Variants in TP63 observed in about 807,000 individuals in gnomAD.
The protein encoded by TP63 is tumor protein p63.
In TP63, 17 loss-of-function variants were observed where a neutral mutation model predicts 82.8. The observed-to-expected ratio is 0.21, with a 90% CI of 0.14 to 0.31. The LOEUF is 0.31. Ranked by LOEUF, TP63 falls within the 10% of genes least tolerant of loss-of-function variation. TP63 has a pLI of 1.00. For synonymous variants in TP63, 330 were observed against 321.7 expected (o/e 1.03, Z -0.28); for missense variants, 648 against 895.3 (o/e 0.72, Z 3.52).
chr3:189,710,019 A>G (rs527742766), intron 1 of TP63, among the ~76,000 whole-genome samples: 1 of 152,228 alleles, frequency 6.6e-6, no homozygotes, highest in African/African-American at 2.4e-5. Context: ...AGTAATAGCA[A>G]AAATAGGGGG....
chr3:189,758,696 C>T (rs1722360001), intron 3 of TP63, among the ~76,000 whole-genome samples: 2 of 152,204 alleles, frequency 1.3e-5, no homozygotes, highest in Admixed American at 1.3e-4. Context: ...ATTCTTTATT[C>T]TGCGGAGGCA....
chr3:189,714,520 G>A (rs1230611911), intron 1 of TP63, among the ~76,000 whole-genome samples: 1 of 152,178 alleles, frequency 6.6e-6, no homozygotes, highest in African/African-American at 2.4e-5. Flanking sequence ...CGGAAATTTT[G>A]AGAAGTTTCT....
chr3:189,809,525 A>T (rs1407875755), intron 4 of TP63, among the ~76,000 whole-genome samples: 1 of 152,222 alleles, frequency 6.6e-6, no homozygotes, highest in Non-Finnish European at 1.5e-5. Context: ...CTTAATCAAG[A>T]CCAAAGTGGT....
At chr3:189,741,692 C>G (rs905579174) in intron 3 of TP63, among the ~76,000 whole-genome samples, 5 of 152,106 alleles carry the variant, frequency 3.3e-5, no homozygotes, top group African/African-American at 1.2e-4. Context: ...AAATTTAACC[C>G]AGTTTTACTG....
chr3:189,782,295 A>T (rs1724287645), intron 3 of TP63, among the ~76,000 whole-genome samples: 1 of 152,150 alleles, frequency 6.6e-6, no homozygotes, highest in Non-Finnish European at 1.5e-5. Context: ...CTAACTCAAA[A>T]TCAAAGAGGT....
intron 1 of TP63, among the ~76,000 whole-genome samples, chr3:189,725,728 C>A (rs1023943143): frequency 6.6e-6 from 1 of 152,180 alleles, no homozygotes; most frequent in African/African-American, 2.4e-5. Context: ...ACTGATTCTT[C>A]AGTGCAACAC....
intron 3 of TP63, among the ~76,000 whole-genome samples, chr3:189,767,164 T>A (rs1723015906): frequency 6.6e-6 from 1 of 152,122 alleles, no homozygotes; most frequent in Non-Finnish European, 1.5e-5. Flanking sequence ...GGTTGTAGAG[T>A]ATATACTTCA....
At chr3:189,881,465 T>G in intron 10 of TP63, 1 of 985,432 alleles carries the variant, frequency 1.0e-6, no homozygotes, top group African/African-American at 1.7e-5. Flanking sequence ...TGTGTGATTT[T>G]AATTTTCAAT....
intron 1 of TP63, among the ~76,000 whole-genome samples, chr3:189,690,402 A>G (rs1716825394): frequency 1.3e-5 from 2 of 152,160 alleles, no homozygotes; most frequent in East Asian, 1.9e-4. Flanking sequence ...CCAACTCAGG[A>G]CGTCTATTTC....
intron 10 of TP63, among the ~76,000 whole-genome samples, chr3:189,875,616 A>ATACG: frequency 9.2e-6 from 1 of 108,700 alleles, no homozygotes; most frequent in African/African-American, 4.4e-5. Flanking sequence ...ATATATATAT[A>ATACG]TATATATATA....
chr3:189,771,163 T>C (rs1418497930), intron 3 of TP63, among the ~76,000 whole-genome samples: 1 of 150,680 alleles, frequency 6.6e-6, no homozygotes, highest in African/African-American at 2.4e-5. Context: ...AGTAAAAATG[T>C]GGCTATTGTT....
chr3:189,717,581 G>A (rs1719055641), intron 1 of TP63, among the ~76,000 whole-genome samples: 2 of 152,174 alleles, frequency 1.3e-5, no homozygotes, highest in African/African-American at 2.4e-5. Context: ...TCACAAGCCT[G>A]TAGGTCACAG....
the TP63 span, among the ~76,000 whole-genome samples, chr3:189,615,740 A>C: frequency 2.0e-5 from 3 of 152,180 alleles, no homozygotes; most frequent in Admixed American, 1.3e-4. Context: ...TCGTTACCTC[A>C]GGCCATTTCT....
At position 189,841,893 on chromosome 3, in the gene TP63, G is replaced by A. The variant is rs138921085; in HGVS notation, c.580-22339G>A. On this transcript the variant is annotated intron_variant, in intron 4 of 13. Transcript: ENST00000264731. ...TTTGGGTGCCACTGCGTGAGGCTTT[G>A]TCTTGGACCAGGGGGTAAAACATAT... 6.6e-5 allele frequency among the ~76,000 whole-genome samples: 10 copies of A among 152,320 alleles called. No homozygotes were observed. In the East Asian group the frequency reaches 1.7e-3, roughly 26 times the overall value.
rs1006260157 is a variant in TP63 at position 189,881,257 on chromosome 3, G to A, written c.1350-5137G>A. ...GGACTGGAAATTAAAGATTGAAAGGGTAGACTACTTTTCTTTTTTTTACTC... is the reference window on the plus strand; with the variant it reads ...GGACTGGAAATTAAAGATTGAAAGGATAGACTACTTTTCTTTTTTTTACTC... On this transcript the variant is annotated intron_variant, in intron 10 of 13. Coordinates refer to ENST00000264731, the MANE Select transcript of TP63 (RefSeq NM_003722.5). 10 of 985,206 alleles carry A rather than the reference G, an allele frequency of 1.0e-5. No individual in the cohort carries two copies. In the African/African-American group the frequency reaches 1.2e-4, roughly 12 times the overall value. 61.0% of individuals were successfully genotyped at this position (985,206 alleles called of 1,614,324 possible).
intron 4 of TP63, among the ~76,000 whole-genome samples, chr3:189,855,002 A>G (rs1249781704): frequency 6.6e-6 from 1 of 152,216 alleles, no homozygotes; most frequent in Non-Finnish European, 1.5e-5. Flanking sequence ...TGAAAGTATT[A>G]TTTGTAGTAG....
At chr3:189,649,252 C>G (rs945024216) in intron 1 of TP63, among the ~76,000 whole-genome samples, 4 of 146,562 alleles carry the variant, frequency 2.7e-5, no homozygotes, top group African/African-American at 1.0e-4. Context: ...ACATAAATGC[C>G]CATCAATGGT....
chr3:189,833,764 C>T (rs546470302), intron 4 of TP63, among the ~76,000 whole-genome samples: 92 of 151,486 alleles, frequency 6.1e-4, no homozygotes, highest in Non-Finnish European at 1.0e-3. Context: ...ATTAAGACAG[C>T]GGTATCTATT....
intron 1 of TP63, among the ~76,000 whole-genome samples, chr3:189,734,822 A>G (rs1720455128): frequency 1.3e-5 from 2 of 152,080 alleles, no homozygotes; most frequent in Non-Finnish European, 1.5e-5. Context: ...CTATGCCTTG[A>G]CCTTTTCCAA....
Sources: gnomAD v4.1 joint callset for allele counts (sites outside exome capture counted in the v4.1 genomes callset) on GRCh38, gnomAD v4.1.1 for gene constraint, MANE v1.5 for transcripts, NCBI Gene and HGNC (gene_info 2026-07-23, HGNC 2026-07-21) for gene names.